The following BAIAP2L1 variants were observed in gnomAD, a reference collection of about 807,000 sequenced individuals.
BAIAP2L1 encodes the protein BAR/IMD domain containing adaptor protein 2 like 1.
In BAIAP2L1, 35 loss-of-function variants were observed where a neutral mutation model predicts 66.3. That is an observed-to-expected ratio of 0.53 (90% CI 0.40 to 0.70). The LOEUF (loss-of-function observed/expected upper bound fraction) is 0.70, where lower values mean the gene tolerates loss of function less well. Among genes scored for constraint, BAIAP2L1 ranks in the 30% least tolerant of loss-of-function variants. The pLI, the probability that BAIAP2L1 is intolerant of heterozygous loss-of-function variation, is 0.00. For synonymous variants in BAIAP2L1, 269 were observed against 248.7 expected (o/e 1.08, Z -0.77); for missense variants, 622 against 656.9 (o/e 0.95, Z 0.58).
At chr7:98,366,841 C>T (rs1802398413) in intron 1 of BAIAP2L1, among the ~76,000 whole-genome samples, 1 of 152,126 alleles carries the variant, frequency 6.6e-6, no homozygotes, top group Non-Finnish European at 1.5e-5. Context: ...TGCTCTTTTT[C>T]TTTGCTTTGC....
intron 1 of BAIAP2L1, among the ~76,000 whole-genome samples, chr7:98,368,537 A>C (rs1413949659): frequency 6.6e-6 from 1 of 152,102 alleles, no homozygotes; most frequent in Non-Finnish European, 1.5e-5. Flanking sequence ...CTAAAAATAC[A>C]TGAATTAGCT....
At position 98,293,268 on chromosome 7, in the gene BAIAP2L1, T is replaced by TA; in HGVS notation, c.*252_*253insT. On this transcript the variant is annotated 3_prime_UTR_variant, in exon 14 of 14. Transcript: ENST00000005260. ...TAAAGATTGAAACCAAGTTTACTGT[T>TA]TCTTGAACAGAATAGGAAGAAAATA... 2 of 403,964 alleles carry TA rather than the reference T, an allele frequency of 5.0e-6. No individual in the cohort carries two copies. The highest frequency in any genetic ancestry group is 8.9e-6 in the Non-Finnish European group (2 of 225,360). The allele number at this position is 403,964 out of a possible 1,614,324, so 25.0% of individuals were successfully genotyped here.
At chr7:98,327,715 C>T (rs1801406748) in intron 3 of BAIAP2L1, among the ~76,000 whole-genome samples, 1 of 152,016 alleles carries the variant, frequency 6.6e-6, no homozygotes, top group South Asian at 2.1e-4. Context: ...CCTGACTATT[C>T]ATCCTTGTTT....
intron 2 of BAIAP2L1, 62 bp from the exon 3 acceptor site, chr7:98,355,190 A>C: frequency 8.2e-7 from 1 of 1,214,488 alleles, no homozygotes; most frequent in Non-Finnish European, 1.2e-6. Flanking sequence ...AAGCAACACA[A>C]GTTTTCTTCC....
intron 1 of BAIAP2L1, among the ~76,000 whole-genome samples, chr7:98,398,031 T>A (rs1803257377): frequency 6.6e-6 from 1 of 152,188 alleles, no homozygotes; most frequent in Admixed American, 6.6e-5. Flanking sequence ...TAATTCCTCC[T>A]TTTCTCTAAA....
chr7:98,393,183 ATGTGTG>A lies in BAIAP2L1; in HGVS notation c.51+7613_51+7618del, dbSNP rs916459316. On this transcript the variant is annotated intron_variant, in intron 1 of 13. Transcript: ENST00000005260. ...CACATATATGTATATATATACATATATGTGTGTGTTTATATATATATGTAATTTTTG... is the reference window on the plus strand; with the variant it reads ...CACATATATGTATATATATACATATATGTTTATATATATATGTAATTTTTG... Among the ~76,000 whole-genome samples the A allele has an allele frequency of 2.5e-5, 3 of 122,102 alleles. No homozygotes were observed. The East Asian group carries it at 6.3e-4, about 26-fold the overall frequency. The allele number at this position is 122,102 out of a possible 152,430, so 80.1% of individuals were successfully genotyped here.
chr7:98,336,928 A>AG (rs1183814822), intron 3 of BAIAP2L1, among the ~76,000 whole-genome samples: 2 of 152,208 alleles, frequency 1.3e-5, no homozygotes, highest in African/African-American at 4.8e-5. Flanking sequence ...TGTACTCCTT[A>AG]GCTGGATGAA....
At chr7:98,347,834 T>A (rs111719252) in intron 3 of BAIAP2L1, among the ~76,000 whole-genome samples, 1 of 151,794 alleles carries the variant, frequency 6.6e-6, no homozygotes, top group African/African-American at 2.4e-5. Context: ...GTTCATGTCC[T>A]TTGCAGGGAC....
rs1481100438 is a variant in BAIAP2L1, at chr7:98,312,192, T to C, written c.712A>G (p.Lys238Glu). ...ATTTCTTCGATCATATTCATGATTT[T>C]CTCTGGCACTTTGATGGCATCAACA... is the stretch of plus-strand genomic sequence containing the variant. ...TCVDAIKVPE[K>E]IMNMIEEIKT... Residue 238 changes from lysine (K) to glutamate (E), a missense_variant, in exon 8 of 14, where the codon AAA becomes GAA. Lys to Glu is a moderately conservative substitution (Grantham distance 56). Coordinates refer to ENST00000005260, the MANE Select transcript of BAIAP2L1 (RefSeq NM_018842.5). The C allele has an allele frequency of 1.2e-6, 2 of 1,614,062 alleles. No individual in the cohort carries two copies. Among genetic ancestry groups the C allele is most frequent in the Non-Finnish European group, 1.7e-6 (2 of 1,180,030 alleles).
Position 98,320,119 on chromosome 7 carries a change from A to C in BAIAP2L1, c.287T>G (p.Phe96Cys). 3 of 1,612,380 alleles carry C rather than the reference A, an allele frequency of 1.9e-6. No homozygotes were observed. The highest frequency in any genetic ancestry group is 2.5e-6 in the Non-Finnish European group (3 of 1,178,712). ...CAGCTCATGGATAATCTCTTTGTGG[A>C]ATTTTTTAAACTGTTAACAAAAGGA... ...NESLDENFKK[F>C]HKEIIHELEK... is the part of the protein sequence containing the mutation. Residue 96 changes from phenylalanine to cysteine, a missense_variant, in exon 5 of 14, where the codon TTC (phenylalanine) becomes TGC (cysteine). Transcript: ENST00000005260.
At chr7:98,302,151 C>G (rs1800455362) in intron 12 of BAIAP2L1, among the ~76,000 whole-genome samples, 1 of 152,248 alleles carries the variant, frequency 6.6e-6, no homozygotes, top group Non-Finnish European at 1.5e-5. Context: ...TCTGTCATTA[C>G]TGAGTACACT....
intron 1 of BAIAP2L1, among the ~76,000 whole-genome samples, chr7:98,383,877 G>A (rs1802821851): frequency 6.6e-6 from 1 of 151,890 alleles, no homozygotes; most frequent in Admixed American, 6.6e-5. Flanking sequence ...CTCCAGGCCG[G>A]GTGTGGTGGC....
intron 3 of BAIAP2L1, among the ~76,000 whole-genome samples, chr7:98,322,005 A>T (rs1336556352): frequency 1.3e-5 from 2 of 152,090 alleles, no homozygotes; most frequent in African/African-American, 4.8e-5. Context: ...CTGAGGTGGG[A>T]GAACTGCTTG....
rs906053260 is a variant in BAIAP2L1, at chr7:98,292,798, C to T, written c.*723G>A. Reference sequence around the variant, plus strand: ...ACACAAGGAGCCGTGACTCCGACGCCCAGGCCTGTGTCCTGGATGGGCCGT... The same window carrying T: ...ACACAAGGAGCCGTGACTCCGACGCTCAGGCCTGTGTCCTGGATGGGCCGT... On this transcript the variant is annotated 3_prime_UTR_variant, in exon 14 of 14. Coordinates refer to ENST00000005260, the MANE Select transcript of BAIAP2L1 (RefSeq NM_018842.5). 5 of 1,538,834 alleles carry T rather than the reference C, an allele frequency of 3.2e-6. No homozygotes were observed. The Admixed American group carries it at 1.0e-4, about 31-fold the overall frequency.
At chr7:98,368,451 G>A (rs1802437797) in intron 1 of BAIAP2L1, among the ~76,000 whole-genome samples, 1 of 151,990 alleles carries the variant, frequency 6.6e-6, no homozygotes, top group Non-Finnish European at 1.5e-5. Flanking sequence ...AAAGAATCAT[G>A]GGAGGCCGAG....
intron 1 of BAIAP2L1, among the ~76,000 whole-genome samples, chr7:98,393,170 T>A (rs1389586992): frequency 8.5e-6 from 1 of 117,232 alleles, no homozygotes; most frequent in African/African-American, 2.8e-5. Context: ...CATATATGTA[T>A]ATATATACAT....
intron 3 of BAIAP2L1, among the ~76,000 whole-genome samples, chr7:98,332,809 C>CAAAAAA (rs55756451): frequency 1.2e-5 from 1 of 83,706 alleles, no homozygotes; most frequent in Non-Finnish European, 2.2e-5. Context: ...ACTTCGTCCC[C>CAAAAAA]AAAAAAAAAA....
chr7:98,357,211 G>C (rs1180662622), intron 2 of BAIAP2L1, among the ~76,000 whole-genome samples: 1 of 149,284 alleles, frequency 6.7e-6, no homozygotes, highest in Non-Finnish European at 1.5e-5. Context: ...CTGAAGGTAT[G>C]AAAAGCCAAA....
Position 98,398,907 on chromosome 7 carries a change from GTGT to G in BAIAP2L1, c.51+1892_51+1894del, listed in dbSNP as rs1179358910. On this transcript the variant is annotated intron_variant, in intron 1 of 13. Transcript: ENST00000005260. Reference sequence around the variant, plus strand: ...CTTGGAAGAAGGGCGGAAGGCAGTGGTGTTCTGTATTTTTGCACCCCAGTGGAC... The same window carrying G: ...CTTGGAAGAAGGGCGGAAGGCAGTGGTCTGTATTTTTGCACCCCAGTGGAC... Among the ~76,000 whole-genome samples, 6 of 152,286 alleles carry G rather than the reference GTGT, an allele frequency of 3.9e-5. No individual in the cohort carries two copies. In the East Asian group the frequency reaches 9.7e-4, roughly 25 times the overall value.
Sources: gnomAD v4.1 joint callset for allele counts (sites outside exome capture counted in the v4.1 genomes callset) on GRCh38, gnomAD v4.1.1 for gene constraint, MANE v1.5 for transcripts, NCBI Gene and HGNC (gene_info 2026-07-23, HGNC 2026-07-21) for gene names.